The following PRKG2 variants were observed in gnomAD, a reference collection of about 807,000 sequenced individuals.
PRKG2 encodes the protein cGMP-dependent protein kinase 2.
In PRKG2, 33 loss-of-function variants were observed where a neutral mutation model predicts 97.2. The ratio of observed to expected loss-of-function variants is 0.34; its 90% CI spans 0.26 to 0.45. The LOEUF (loss-of-function observed/expected upper bound fraction) is 0.45, where lower values mean the gene tolerates loss of function less well. PRKG2 is among the 20% of genes least tolerant of loss of function. PRKG2 has a pLI of 1.00. For missense variants in PRKG2, 638 were observed against 900.0 expected, an observed-to-expected ratio of 0.71 and a Z score of 3.73; for synonymous variants, 330 against 321.8, an observed-to-expected ratio of 1.03 and a Z score of -0.27.
At position 81,205,007 on chromosome 4, in the gene PRKG2, G is replaced by A. The variant is rs1377821319; in HGVS notation, c.41C>T (p.Pro14Leu). The A allele has an allele frequency of 4.3e-6, 7 of 1,613,270 alleles. No individual in the cohort carries two copies. Among genetic ancestry groups the A allele is most frequent in the Non-Finnish European group, 5.1e-6 (6 of 1,179,770 alleles). ...GSVKPKHSKH[P>L]DGHSGNLTTD... Reference sequence around the variant, plus strand: ...GGTGAGGTTCCCAGAGTGTCCATCTGGGTGCTTAGAATGTTTAGGTTTCAC... The same window carrying A: ...GGTGAGGTTCCCAGAGTGTCCATCTAGGTGCTTAGAATGTTTAGGTTTCAC... Residue 14 changes from proline to leucine, a missense_variant, in exon 2 of 19, where the codon CCA becomes CTA. By Grantham distance (98) the Pro-to-Leu change is moderately conservative. This residue lies in a region of PRKG2 where 332 missense variants were observed against 421.7 expected (regional missense o/e 0.79). Coordinates refer to ENST00000264399, the MANE Select transcript of PRKG2 (RefSeq NM_006259.3).
chr4:81,160,961 T>C (rs1426420509), intron 6 of PRKG2, among the ~76,000 whole-genome samples: 2 of 152,186 alleles, frequency 1.3e-5, no homozygotes, highest in East Asian at 1.9e-4. Flanking sequence ...TAATTATTTA[T>C]ACAAACAAAA....
At chr4:81,116,472 T>C (rs987041363) in intron 14 of PRKG2, among the ~76,000 whole-genome samples, 3 of 152,186 alleles carry the variant, frequency 2.0e-5, no homozygotes, top group Admixed American at 1.3e-4. Context: ...TTGGGAATAG[T>C]GCTGTAATGA....
Position 81,189,381 on chromosome 4 carries a change from C to CACA in PRKG2, c.462-14423_462-14422insTGT, listed in dbSNP as rs1553930193. ...GAAATAATAAAAATGTCAACACACA[C>CACA]AAAAAAAAAGAAAATGTGGCACATA... On this transcript the variant is annotated intron_variant, in intron 2 of 18. Coordinates refer to ENST00000264399, the MANE Select transcript of PRKG2 (RefSeq NM_006259.3). Among the ~76,000 whole-genome samples the CACA allele has an allele frequency of 3.9e-5, 5 of 126,812 alleles. 1 individual carries two copies. In the East Asian group the frequency reaches 1.3e-3, roughly 32 times the overall value. The allele number at this position is 126,812 out of a possible 152,430, so 83.2% of individuals were successfully genotyped here.
At chr4:81,096,236 G>GA (rs1742098734) in intron 17 of PRKG2, among the ~76,000 whole-genome samples, 1 of 152,124 alleles carries the variant, frequency 6.6e-6, no homozygotes, top group Non-Finnish European at 1.5e-5. Context: ...ATGCAGAGTA[G>GA]AACTTCTTTT....
At chr4:81,144,360 C>A (rs115956944) in intron 9 of PRKG2, 30 bp from the exon 10 acceptor site, 2 of 1,548,146 alleles carry the variant, frequency 1.3e-6, no homozygotes, top group East Asian at 4.5e-5. Context: ...TAAAATGCTC[C>A]GTGCTGATAG....
At chr4:81,091,888 G>C (rs191825603) in intron 18 of PRKG2, among the ~76,000 whole-genome samples, 6 of 152,116 alleles carry the variant, frequency 3.9e-5, no homozygotes, top group Non-Finnish European at 8.8e-5. Context: ...TCTGAACTGA[G>C]ATGTGCTGTA....
At chr4:81,143,109 C>T (rs1369519421) in intron 10 of PRKG2, among the ~76,000 whole-genome samples, 162 bp from the exon 11 acceptor site, 3 of 152,080 alleles carry the variant, frequency 2.0e-5, no homozygotes, top group East Asian at 1.9e-4. Flanking sequence ...TTCAGTCCCA[C>T]GCAGCGAGAA....
Position 81,097,317 on chromosome 4 carries a change from T to C in PRKG2, c.2127-4865A>G, listed in dbSNP as rs1742221046. Among the ~76,000 whole-genome samples the C allele has an allele frequency of 2.6e-5, 4 of 152,186 alleles. No homozygotes were observed. The South Asian group carries it at 8.3e-4, about 31-fold the overall frequency. ...AACAGTAATATTTGAAAGAAATATT[T>C]TATTCCGAGCAGGAGGTCTCAAGAG... On this transcript the variant is annotated intron_variant, in intron 17 of 18. Transcript: ENST00000264399.
At chr4:81,095,038 T>C (rs1741982037) in intron 17 of PRKG2, among the ~76,000 whole-genome samples, 1 of 152,180 alleles carries the variant, frequency 6.6e-6, no homozygotes, top group Non-Finnish European at 1.5e-5. Flanking sequence ...GTCACATTGC[T>C]CTGTCTGTTG....
intron 8 of PRKG2, among the ~76,000 whole-genome samples, 175 bp from the exon 9 acceptor site, chr4:81,149,127 C>G (rs1434210680): frequency 6.6e-6 from 1 of 151,922 alleles, no homozygotes; most frequent in Non-Finnish European, 1.5e-5. Context: ...TGAAATGTGC[C>G]CCAGTAGAGG....
At chr4:81,128,465 C>CT (rs1745828422) in intron 14 of PRKG2, among the ~76,000 whole-genome samples, 3 of 151,998 alleles carry the variant, frequency 2.0e-5, no homozygotes, top group Admixed American at 6.6e-5. Context: ...TGGTCTTGGG[C>CT]TTTTTTTTGT....
intron 2 of PRKG2, 124 bp from the exon 3 acceptor site, chr4:81,175,083 C>A (rs1418341962): frequency 1.1e-6 from 1 of 910,202 alleles, no homozygotes; most frequent in African/African-American, 1.7e-5. Flanking sequence ...GCAAGAACAA[C>A]CTTTTTCTAA....
chr4:81,104,341 T>C (rs974726930), intron 17 of PRKG2, 29 bp downstream of exon 17: 24 of 1,480,492 alleles, frequency 1.6e-5, no homozygotes, highest in Non-Finnish European at 2.1e-5. Context: ...AATTTCTATA[T>C]TTTTCTGGGC....
At chr4:81,119,698 G>T (rs548660567) in intron 14 of PRKG2, among the ~76,000 whole-genome samples, 2 of 150,396 alleles carry the variant, frequency 1.3e-5, no homozygotes, top group East Asian at 3.9e-4. Flanking sequence ...TTTTTTAGGC[G>T]GAGTCTTGCT....
At chr4:81,208,900 T>C (rs1430878440) in intron 1 of PRKG2, among the ~76,000 whole-genome samples, 2 of 152,184 alleles carry the variant, frequency 1.3e-5, no homozygotes, top group African/African-American at 2.4e-5. Flanking sequence ...GACTTAATAA[T>C]TGAAGCTCTG....
intron 6 of PRKG2, chr4:81,154,364 G>A (rs1015450139): frequency 9.2e-5 from 14 of 152,150 alleles, no homozygotes; most frequent in African/African-American, 2.9e-4. Context: ...AGATTTAAAT[G>A]TCCCTGTCTG....
intron 14 of PRKG2, 140 bp from the exon 15 acceptor site, chr4:81,110,751 AGAG>A: frequency 1.7e-6 from 1 of 575,326 alleles, no homozygotes. Context: ...ACACACACAA[AGAG>A]AGAGAGAGAG....
intron 17 of PRKG2, among the ~76,000 whole-genome samples, chr4:81,094,983 G>A (rs1741977783): frequency 6.6e-6 from 1 of 152,150 alleles, no homozygotes; most frequent in African/African-American, 2.4e-5. Context: ...GAATGGGATG[G>A]TGATGCGTCC....
At chr4:81,093,520 C>G (rs1004743275) in intron 17 of PRKG2, among the ~76,000 whole-genome samples, 4 of 152,146 alleles carry the variant, frequency 2.6e-5, no homozygotes, top group African/African-American at 9.7e-5. Flanking sequence ...AGAAAGCAAG[C>G]TCCATGAGGG....
Sources: allele counts gnomAD v4.1 joint callset (sites outside exome capture counted in the v4.1 genomes callset), GRCh38; gene constraint gnomAD v4.1.1; regional missense constraint gnomAD v4.1.1; transcripts MANE v1.5; gene names NCBI Gene and HGNC (gene_info 2026-07-23, HGNC 2026-07-21).